SPRTN: variants seen among roughly 807,000 people sequenced by gnomAD.
SPRTN encodes the protein SprT-like N-terminal domain, also known as DNA-dependent metalloprotease SPRTN.
In SPRTN, 11 loss-of-function variants were observed where a neutral mutation model predicts 31.9. The observed-to-expected ratio is 0.34, with a 90% CI of 0.22 to 0.57. SPRTN has a LOEUF of 0.57. Ranked by LOEUF, SPRTN falls within the 20% of genes least tolerant of loss-of-function variation. The pLI, the probability that SPRTN is intolerant of heterozygous loss-of-function variation, is 0.86. For synonymous variants in SPRTN, 185 were observed against 212.1 expected (o/e 0.87, Z 1.11); for missense variants, 482 against 590.1 (o/e 0.82, Z 1.90).
chr1:231,340,798 CA>C (rs5781637), intron 2 of SPRTN, among the ~76,000 whole-genome samples: 6 of 146,488 alleles, frequency 4.1e-5, no homozygotes, highest in South Asian at 2.1e-4. Context: ...AACTCTGTCT[CA>C]AAAAAAAAAA....
At chr1:231,351,967 G>C (rs1344946384) in intron 4 of SPRTN, 4 of 1,009,152 alleles carry the variant, frequency 4.0e-6, no homozygotes, top group Non-Finnish European at 4.7e-6. Flanking sequence ...AAGTAACAAT[G>C]CCCGGAATAT....
intron 1 of SPRTN, chr1:231,339,526 A>T (rs1686797034): frequency 1.4e-6 from 1 of 710,308 alleles, no homozygotes; most frequent in Non-Finnish European, 2.5e-6. Context: ...CCACCTTCTC[A>T]AGCAGGGTGG....
chr1:231,351,497 C>T lies in SPRTN; in HGVS notation c.644C>T (p.Pro215Leu). 6.2e-7 allele frequency: 1 copy of T among 1,614,084 alleles called. No individual in the cohort carries two copies. Among genetic ancestry groups the T allele is most frequent in the Non-Finnish European group, 8.5e-7 (1 of 1,180,018 alleles). Residue 215 changes from proline to leucine, a missense_variant, in exon 4 of 5, where the codon CCA (proline) becomes CTA (leucine). Transcript: ENST00000295050. ...GGCACTTACATAAAAATCAAGGAAC[C>T]AGAGAATTACTCAAAAAAAGGCAAA... ...CGGTYIKIKE[P>L]ENYSKKGKGK...
intron 4 of SPRTN, 156 bp downstream of exon 4, chr1:231,351,727 A>G: frequency 1.4e-6 from 2 of 1,441,304 alleles, no homozygotes; most frequent in Non-Finnish European, 9.1e-7. Context: ...CCCACTGTCC[A>G]TGAAATGATG....
intron 2 of SPRTN, among the ~76,000 whole-genome samples, chr1:231,341,050 T>C (rs1377987093): frequency 1.3e-5 from 2 of 152,066 alleles, no homozygotes; most frequent in Non-Finnish European, 2.9e-5. Flanking sequence ...TGTAAAGTGG[T>C]ACAGTAGAAA....
chr1:231,345,861 G>T (rs1025557146), intron 2 of SPRTN, among the ~76,000 whole-genome samples: 1 of 152,132 alleles, frequency 6.6e-6, no homozygotes, highest in East Asian at 1.9e-4. Context: ...TTGCTGGGTT[G>T]TCCAGGCTGG....
At chr1:231,341,341 T>G (rs957413260) in intron 2 of SPRTN, among the ~76,000 whole-genome samples, 1 of 152,112 alleles carries the variant, frequency 6.6e-6, no homozygotes, top group African/African-American at 2.4e-5. Flanking sequence ...ATTTTTTTTT[T>G]TTTTACTTTG....
chr1:231,338,680 C>T (rs1283268272), intron 1 of SPRTN, 76 bp downstream of exon 1: 20 of 1,563,098 alleles, frequency 1.3e-5, no homozygotes, highest in Non-Finnish European at 1.5e-5. Context: ...GTTTTCTCTC[C>T]TTTCTCTAGT....
rs571395487 is a variant in SPRTN, at chr1:231,351,237, T to C, written c.451-67T>C. On this transcript the variant is annotated intron_variant, in intron 3 of 4. Transcript: ENST00000295050. ...AAAAAAAAAAAAAAAAAAGACTGCT[T>C]ATGTAAATTGTTTTCTTGCAGTTGT... 121 of 1,323,722 alleles carry C rather than the reference T, an allele frequency of 9.1e-5. No individual in the cohort carries two copies. In the African/African-American group the frequency reaches 1.1e-3, roughly 12 times the overall value. 82.0% of individuals were successfully genotyped at this position (1,323,722 alleles called of 1,614,324 possible).
intron 1 of SPRTN, among the ~76,000 whole-genome samples, chr1:231,339,208 AAAC>A: frequency 6.6e-6 from 1 of 152,268 alleles, no homozygotes; most frequent in Non-Finnish European, 1.5e-5. Flanking sequence ...AGTTGATAGA[AAAC>A]AACCTACTGT....
chr1:231,347,419 G>A (rs889779513), intron 2 of SPRTN, among the ~76,000 whole-genome samples: 1 of 152,142 alleles, frequency 6.6e-6, no homozygotes, highest in Non-Finnish European at 1.5e-5. Context: ...GAGTGCAGTG[G>A]CACAATCACA....
chr1:231,351,205 TA>T (rs35814914), intron 3 of SPRTN, 98 bp from the exon 4 acceptor site: 157,667 of 951,774 alleles, frequency 0.17, 1,517 homozygotes, highest in African/African-American at 0.25. Context: ...TTTCAAAAAT[TA>T]AAAAAAAAAA....
At chr1:231,343,263 C>A (rs1056840043) in intron 2 of SPRTN, among the ~76,000 whole-genome samples, 1 of 149,174 alleles carries the variant, frequency 6.7e-6, no homozygotes, top group Non-Finnish European at 1.5e-5. Flanking sequence ...GTATATATAC[C>A]CTATAGCCTA....
chr1:231,344,714 G>T (rs1687001518), intron 2 of SPRTN: 1 of 324,290 alleles, frequency 3.1e-6, no homozygotes. Context: ...TCATGAAAAA[G>T]GTATGTCTTT....
At chr1:231,340,404 G>C (rs1244346982) in intron 2 of SPRTN, among the ~76,000 whole-genome samples, 2 of 152,096 alleles carry the variant, frequency 1.3e-5, no homozygotes, top group Non-Finnish European at 2.9e-5. Flanking sequence ...TATCTGTTTT[G>C]ATTTTACAAC....
chr1:231,340,416 G>A (rs766956837), intron 2 of SPRTN, among the ~76,000 whole-genome samples: 1 of 152,090 alleles, frequency 6.6e-6, no homozygotes, highest in Non-Finnish European at 1.5e-5. Context: ...TTTTACAACA[G>A]CCCTGTTTAT....
At chr1:231,343,266 A>G (rs1233848568) in intron 2 of SPRTN, among the ~76,000 whole-genome samples, 3 of 151,924 alleles carry the variant, frequency 2.0e-5, no homozygotes, top group African/African-American at 4.8e-5. Context: ...TATATACCCT[A>G]TAGCCTAGGT....
chr1:231,343,709 T>C (rs1686970908), intron 2 of SPRTN, among the ~76,000 whole-genome samples: 1 of 152,060 alleles, frequency 6.6e-6, no homozygotes, highest in Admixed American at 6.6e-5. Flanking sequence ...CATGCTGTGA[T>C]TGTGGGTTTA....
intron 1 of SPRTN, 113 bp downstream of exon 1, chr1:231,338,717 A>T: frequency 7.8e-7 from 1 of 1,275,060 alleles, no homozygotes; most frequent in Non-Finnish European, 1.1e-6. Flanking sequence ...GCGTTAAATG[A>T]GGGGAGTCTG....
Sources: allele counts gnomAD v4.1 joint callset (sites outside exome capture counted in the v4.1 genomes callset), GRCh38; gene constraint gnomAD v4.1.1; transcripts MANE v1.5; gene names NCBI Gene and HGNC (gene_info 2026-07-23, HGNC 2026-07-21).